MARCHF3: variants seen among roughly 807,000 people sequenced by gnomAD.
MARCHF3 encodes the protein E3 ubiquitin-protein ligase MARCHF3.
A neutral mutation model predicts 24.2 loss-of-function variants in MARCHF3; 13 were observed. The ratio of observed to expected loss-of-function variants is 0.54; its 90% confidence interval spans 0.35 to 0.85. The LOEUF (loss-of-function observed/expected upper bound fraction) is 0.85, where lower values mean the gene tolerates loss of function less well. MARCHF3 is among the 40% of genes least tolerant of loss of function. MARCHF3 has a pLI of 0.01. For missense variants in MARCHF3, 276 were observed against 325.0 expected, an observed-to-expected ratio of 0.85 and a Z score of 1.16; for synonymous variants, 144 against 137.3, an observed-to-expected ratio of 1.05 and a Z score of -0.34.
At position 126,875,466 on chromosome 5, in the gene MARCHF3, T is replaced by C. The variant is rs542408587; in HGVS notation, c.603+2719A>G. 3.9e-5 allele frequency among the ~76,000 whole-genome samples: 6 copies of C among 152,362 alleles called. No individual in the cohort carries two copies. The South Asian group carries it at 1.2e-3, about 32-fold the overall frequency. On this transcript the variant is annotated intron_variant, in intron 4 of 4. Coordinates refer to ENST00000308660, the MANE Select transcript of MARCHF3 (RefSeq NM_178450.5). ...AGGCTTGGACTGACACCGTGTTTGT[T>C]TATCTAAGACATTTTCACAGCATAT...
rs60248425 is a variant in MARCHF3 at position 126,868,912 on chromosome 5, G to C, written c.*1721C>G. On this transcript the variant is annotated 3_prime_UTR_variant, in exon 5 of 5. Coordinates refer to ENST00000308660, the MANE Select transcript of MARCHF3 (RefSeq NM_178450.5). ...GGTGGTGCAGCTAATGACAGCCCAG[G>C]GGGGTGAGCAGGGCGCAGTAAACAG... The C allele has an allele frequency of 0.31, 47,709 of 152,218 alleles. 8,511 individuals are homozygous for C. The highest frequency in any genetic ancestry group is 0.4 in the Non-Finnish European group (27,105 of 68,018). The allele number at this position is 152,218 out of a possible 1,614,324, so 9.4% of individuals were successfully genotyped here. A position where few individuals can be genotyped will look rare whatever the true frequency, so the allele number is the denominator to read the frequency against.
intron 1 of MARCHF3, among the ~76,000 whole-genome samples, chr5:126,995,153 C>T (rs1223719976): frequency 6.6e-6 from 1 of 152,206 alleles, no homozygotes; most frequent in Non-Finnish European, 1.5e-5. Context: ...CAATACTTTG[C>T]ATCCTTCAAT....
At chr5:127,009,493 C>A (rs1022544986) in intron 1 of MARCHF3, among the ~76,000 whole-genome samples, 2 of 152,080 alleles carry the variant, frequency 1.3e-5, no homozygotes, top group Non-Finnish European at 2.9e-5. Flanking sequence ...AAATGAGAAA[C>A]GGCTCTTATA....
At chr5:126,870,841 G>T in intron 4 of MARCHF3, 50 bp from the exon 5 acceptor site, 1 of 1,605,432 alleles carries the variant, frequency 6.2e-7, no homozygotes. Context: ...GTCAGCAGAA[G>T]TGGATAATCA....
At chr5:126,925,926 G>C (rs1290238183) in intron 1 of MARCHF3, among the ~76,000 whole-genome samples, 1 of 152,218 alleles carries the variant, frequency 6.6e-6, no homozygotes, top group Non-Finnish European at 1.5e-5. Context: ...GAAGGGTACA[G>C]CATGCTGGTC....
At chr5:126,915,722 C>T (rs1172018620) in intron 2 of MARCHF3, among the ~76,000 whole-genome samples, 1 of 152,152 alleles carries the variant, frequency 6.6e-6, no homozygotes, top group African/African-American at 2.4e-5. Context: ...GCCAAAGATA[C>T]CAAACTGAAA....
At chr5:126,982,378 G>C (rs1675527724) in intron 1 of MARCHF3, among the ~76,000 whole-genome samples, 1 of 152,206 alleles carries the variant, frequency 6.6e-6, no homozygotes. Context: ...GCAGGGATGG[G>C]GAAGGAACAG....
At chr5:126,940,185 C>T (rs112896723) in intron 1 of MARCHF3, among the ~76,000 whole-genome samples, 38 of 152,170 alleles carry the variant, frequency 2.5e-4, no homozygotes, top group African/African-American at 8.2e-4. Context: ...GCTGTGTGTC[C>T]GTGAATGACT....
chr5:126,969,107 T>A (rs538685833), intron 1 of MARCHF3, among the ~76,000 whole-genome samples: 5 of 152,376 alleles, frequency 3.3e-5, no homozygotes, highest in South Asian at 4.1e-4. Context: ...TGTTTTCTTA[T>A]GAGTTTTATA....
intron 1 of MARCHF3, among the ~76,000 whole-genome samples, chr5:126,982,458 C>T (rs1167269096): frequency 2.0e-5 from 3 of 152,156 alleles, no homozygotes; most frequent in Admixed American, 2.0e-4. Flanking sequence ...GGAGGCTGTC[C>T]CAACACTACT....
chr5:126,999,732 A>G (rs1229508882), intron 1 of MARCHF3, among the ~76,000 whole-genome samples: 2 of 152,300 alleles, frequency 1.3e-5, no homozygotes, highest in East Asian at 3.9e-4. Context: ...TTGTTCAACA[A>G]ACAATGAACA....
Position 126,911,414 on chromosome 5 carries a change from C to A in MARCHF3, c.393+3516G>T, listed in dbSNP as rs560004327. On this transcript the variant is annotated intron_variant, in intron 3 of 4. Coordinates refer to ENST00000308660, the MANE Select transcript of MARCHF3 (RefSeq NM_178450.5). ...AATTTCTCTCTTTTGTACTCTGTCC[C>A]TTTATTTCTCAGACTGGCCGACACT... Among the ~76,000 whole-genome samples, 3 of 152,286 alleles carry A rather than the reference C, an allele frequency of 2.0e-5. No individual in the cohort carries two copies. The South Asian group carries it at 6.2e-4, about 32-fold the overall frequency.
At chr5:126,945,093 G>A (rs1270870168) in intron 1 of MARCHF3, among the ~76,000 whole-genome samples, 3 of 152,128 alleles carry the variant, frequency 2.0e-5, no homozygotes, top group Middle Eastern at 3.2e-3. Context: ...TCTAACCCCT[G>A]TCATCAGAGA....
chr5:126,869,922 C>T lies in MARCHF3; in HGVS notation c.*711G>A, dbSNP rs1207100599. The T allele has an allele frequency of 1.3e-5, 2 of 152,428 alleles. No individual in the cohort carries two copies. The highest frequency in any genetic ancestry group is 2.9e-5 in the Non-Finnish European group (2 of 68,018). 9.4% of individuals were successfully genotyped at this position (152,428 alleles called of 1,614,324 possible). A position where few individuals can be genotyped will look rare whatever the true frequency, so the allele number is the denominator to read the frequency against. On this transcript the variant is annotated 3_prime_UTR_variant, in exon 5 of 5. Coordinates refer to ENST00000308660, the MANE Select transcript of MARCHF3 (RefSeq NM_178450.5). ...GCTTCTATCAGCTGTCAGTACCAAA[C>T]AAGTTGAAAGGAGCGAGCTTCTCAC...
chr5:126,882,080 T>C (rs1398687517), intron 3 of MARCHF3, among the ~76,000 whole-genome samples: 1 of 152,194 alleles, frequency 6.6e-6, no homozygotes, highest in Non-Finnish European at 1.5e-5. Flanking sequence ...TCCATAGATA[T>C]AAACACCAGG....
At chr5:127,010,802 G>T (rs1752446898) in intron 1 of MARCHF3, among the ~76,000 whole-genome samples, 1 of 152,158 alleles carries the variant, frequency 6.6e-6, no homozygotes, top group African/African-American at 2.4e-5. Flanking sequence ...CAACTGTAAT[G>T]TTGGCTACAA....
chr5:126,921,980 T>C (rs1749123484), intron 1 of MARCHF3, among the ~76,000 whole-genome samples: 1 of 152,230 alleles, frequency 6.6e-6, no homozygotes, highest in Non-Finnish European at 1.5e-5. Flanking sequence ...CTGTGACCCC[T>C]GAAAAGGACA....
chr5:126,947,753 G>T (rs1339011951), intron 1 of MARCHF3, among the ~76,000 whole-genome samples: 1 of 152,010 alleles, frequency 6.6e-6, no homozygotes, highest in Non-Finnish European at 1.5e-5. Context: ...CATATTCATA[G>T]AAAAATATCT....
intron 1 of MARCHF3, among the ~76,000 whole-genome samples, chr5:127,021,642 A>G (rs1328873458): frequency 1.3e-5 from 2 of 152,318 alleles, no homozygotes; most frequent in Admixed American, 6.5e-5. Flanking sequence ...AATTCATTCA[A>G]TGTAAGGATG....
Sources: gnomAD v4.1 joint callset for allele counts (sites outside exome capture counted in the v4.1 genomes callset) on GRCh38, gnomAD v4.1.1 for gene constraint, MANE v1.5 for transcripts, NCBI Gene and HGNC (gene_info 2026-07-23, HGNC 2026-07-21) for gene names.